The following ZFYVE16 variants were observed in gnomAD, a reference collection of about 807,000 sequenced individuals.
ZFYVE16 encodes the protein zinc finger FYVE domain-containing protein 16.
Under a neutral mutation model 138.1 loss-of-function variants are expected in ZFYVE16, and 89 were observed. That is an observed-to-expected ratio of 0.64 (90% CI 0.54 to 0.77). The LOEUF is 0.77. ZFYVE16 is among the 30% of genes least tolerant of loss of function. The pLI is 0.00. For missense variants in ZFYVE16, 1,793 were observed against 1,786.7 expected, an observed-to-expected ratio of 1.00 and a Z score of -0.06; for synonymous variants, 596 against 618.3, an observed-to-expected ratio of 0.96 and a Z score of 0.53.
At position 80,450,431 on chromosome 5, in the gene ZFYVE16, A is replaced by T. The variant is rs1751862631; in HGVS notation, c.3227A>T (p.Tyr1076Phe). Residue 1076 changes from tyrosine (Y) to phenylalanine (F), a missense_variant and splice_region_variant, in exon 10 of 19, where the codon TAT (tyrosine) becomes TTT (phenylalanine). Coordinates refer to ENST00000505560, the MANE Select transcript of ZFYVE16 (RefSeq NM_001284236.3). Reference protein sequence around the residue: ...NLLVNVKFIFYSSDKYWYFST... With the variant: ...NLLVNVKFIFFSSDKYWYFST... ...TAGTTATATTCTTTTATCATCTAAG[A>T]TTCCTCAGACAAATATTGGTACTTT... The T allele has an allele frequency of 6.2e-7, 1 of 1,612,740 alleles. No individual in the cohort carries two copies. The highest frequency in any genetic ancestry group is 1.3e-5 in the African/African-American group (1 of 75,014).
At position 80,480,531 on chromosome 5, in the gene ZFYVE16, G is replaced by C. The variant is rs962011206; in HGVS notation, c.*3154G>C. ...AAGAATAGGACAGAGCAAATACTTA[G>C]ATAGAATGCAGAATTTTAAAAACTG... is the stretch of plus-strand genomic sequence containing the variant. On this transcript the variant is annotated 3_prime_UTR_variant, in exon 19 of 19. Transcript: ENST00000505560. Among the ~76,000 whole-genome samples the C allele has an allele frequency of 8.5e-5, 13 of 152,130 alleles. No individual in the cohort carries two copies. The highest frequency in any genetic ancestry group is 3.1e-4 in the African/African-American group (13 of 41,422).
At chr5:80,411,899 C>G (rs1348938296) in intron 1 of ZFYVE16, 2 of 152,220 alleles carry the variant, frequency 1.3e-5, no homozygotes, top group Non-Finnish European at 2.9e-5. Context: ...TGGCACTAAT[C>G]CAGCTTTCTC....
At chr5:80,427,310 G>C (rs946489816) in intron 1 of ZFYVE16, among the ~76,000 whole-genome samples, 182 bp from the exon 2 acceptor site, 1 of 152,032 alleles carries the variant, frequency 6.6e-6, no homozygotes, top group African/African-American at 2.4e-5. Flanking sequence ...CCTCCAATGA[G>C]TGGTATGTTT....
At chr5:80,415,877 A>G (rs1746141900) in intron 1 of ZFYVE16, among the ~76,000 whole-genome samples, 1 of 152,054 alleles carries the variant, frequency 6.6e-6, no homozygotes, top group Admixed American at 6.6e-5. Context: ...CATGTTGATT[A>G]GGCTGGTCTC....
At chr5:80,432,849 C>G (rs1345311008) in intron 2 of ZFYVE16, among the ~76,000 whole-genome samples, 4 of 152,184 alleles carry the variant, frequency 2.6e-5, no homozygotes, top group African/African-American at 7.2e-5. Flanking sequence ...AAATGCTCAT[C>G]ATCACTGGCC....
At chr5:80,457,298 G>C (rs1431363721) in intron 14 of ZFYVE16, among the ~76,000 whole-genome samples, 4 of 152,182 alleles carry the variant, frequency 2.6e-5, no homozygotes, top group African/African-American at 7.2e-5. Flanking sequence ...TACAGACTTG[G>C]AAGACTGTTT....
chr5:80,423,295 C>A (rs776711909), intron 1 of ZFYVE16, among the ~76,000 whole-genome samples: 2 of 152,004 alleles, frequency 1.3e-5, no homozygotes, highest in African/African-American at 4.8e-5. Flanking sequence ...ATCTAAATTA[C>A]CAAATTTGTG....
intron 5 of ZFYVE16, among the ~76,000 whole-genome samples, chr5:80,442,705 G>T (rs1323079534): frequency 1.3e-5 from 2 of 152,162 alleles, no homozygotes; most frequent in South Asian, 2.1e-4. Context: ...GTGAGCCATT[G>T]TAACAACTTA....
intron 6 of ZFYVE16, among the ~76,000 whole-genome samples, chr5:80,444,745 CT>C: frequency 6.6e-6 from 1 of 151,414 alleles, no homozygotes; most frequent in Non-Finnish European, 1.5e-5. Context: ...TTTTAAATTT[CT>C]TTTTTTCTTT....
intron 1 of ZFYVE16, among the ~76,000 whole-genome samples, chr5:80,421,856 G>T (rs1472408327): frequency 1.3e-5 from 2 of 152,070 alleles, no homozygotes; most frequent in African/African-American, 2.4e-5. Flanking sequence ...GCTTGATGGG[G>T]ATGGCATTGA....
chr5:80,420,858 A>G (rs1372848755), intron 1 of ZFYVE16, among the ~76,000 whole-genome samples: 3 of 152,172 alleles, frequency 2.0e-5, no homozygotes, highest in Non-Finnish European at 4.4e-5. Context: ...CTAGATCCCT[A>G]AGGAATCGCC....
At position 80,478,063 on chromosome 5, in the gene ZFYVE16, C is replaced by G. The variant is rs1399578951; in HGVS notation, c.*686C>G. Reference sequence around the variant, plus strand: ...GCGGGTGCTTCAGGACTTTTTGCTTCTATATTTAAGTATATTGTTTTTATA... The same window carrying G: ...GCGGGTGCTTCAGGACTTTTTGCTTGTATATTTAAGTATATTGTTTTTATA... On this transcript the variant is annotated 3_prime_UTR_variant, in exon 19 of 19. Coordinates refer to ENST00000505560, the MANE Select transcript of ZFYVE16 (RefSeq NM_001284236.3). The G allele has an allele frequency of 6.6e-6, 1 of 151,908 alleles. No homozygotes were observed. The highest frequency in any genetic ancestry group is 1.5e-5 in the Non-Finnish European group (1 of 67,916). 9.4% of individuals were successfully genotyped at this position (151,908 alleles called of 1,614,324 possible).
chr5:80,421,219 G>T (rs910491329), intron 1 of ZFYVE16, among the ~76,000 whole-genome samples: 3 of 151,890 alleles, frequency 2.0e-5, no homozygotes, highest in Non-Finnish European at 1.5e-5. Flanking sequence ...TGAGTAGATT[G>T]CAAGAATTTT....
Position 80,482,822 on chromosome 5 carries a change from C to T in ZFYVE16, c.*5445C>T, listed in dbSNP as rs1755318992. 1 of 151,428 alleles carries T rather than the reference C, an allele frequency of 6.6e-6. No individual in the cohort carries two copies. The allele number at this position is 151,428 out of a possible 1,614,324, so 9.4% of individuals were successfully genotyped here. ...GAATCCTTTATCCAGCAAATATATTCTTTAGGAAAGAAAATGAAATAAAGA... is the reference window on the plus strand; with the variant it reads ...GAATCCTTTATCCAGCAAATATATTTTTTAGGAAAGAAAATGAAATAAAGA... On this transcript the variant is annotated 3_prime_UTR_variant, in exon 19 of 19. Transcript: ENST00000505560.
intron 11 of ZFYVE16, among the ~76,000 whole-genome samples, chr5:80,452,666 C>G (rs1752113276): frequency 1.3e-5 from 2 of 152,022 alleles, no homozygotes; most frequent in African/African-American, 4.8e-5. Context: ...GTTAGCAGTG[C>G]TATTGTTTTC....
At chr5:80,446,584 A>G (rs907346167) in intron 7 of ZFYVE16, among the ~76,000 whole-genome samples, 13 of 152,126 alleles carry the variant, frequency 8.5e-5, no homozygotes, top group African/African-American at 3.1e-4. Flanking sequence ...ATATGAAAAA[A>G]ATTCTAGGAC....
intron 5 of ZFYVE16, 62 bp from the exon 6 acceptor site, chr5:80,443,061 T>G: frequency 7.2e-7 from 1 of 1,396,592 alleles, no homozygotes; most frequent in East Asian, 2.7e-5. Flanking sequence ...TTATTGTAAT[T>G]TACTTTGAAG....
chr5:80,438,475 A>G lies in ZFYVE16; in HGVS notation c.1790A>G (p.Glu597Gly), dbSNP rs755991772. The G allele has an allele frequency of 1.2e-6, 2 of 1,613,542 alleles. No homozygotes were observed. Among genetic ancestry groups the G allele is most frequent in the Non-Finnish European group, 1.7e-6 (2 of 1,179,826 alleles). ...GESHGINIIC[E>G]IVDKQNTIEN... ...AGTCATGGTATTAATATAATTTGTG[A>G]AATAGTTGATAAACAAAATACAATA... Residue 597 changes from glutamate to glycine, a missense_variant, in exon 4 of 19, where the codon GAA becomes GGA. Physicochemically the swap from Glu to Gly is moderately conservative, Grantham distance 98 (BLOSUM62 -2). Coordinates refer to ENST00000505560, the MANE Select transcript of ZFYVE16 (RefSeq NM_001284236.3).
At chr5:80,465,771 G>C (rs1753685764) in intron 15 of ZFYVE16, among the ~76,000 whole-genome samples, 1 of 151,894 alleles carries the variant, frequency 6.6e-6, no homozygotes, top group Non-Finnish European at 1.5e-5. Flanking sequence ...TGTATGTGAT[G>C]ATTTGCTTTA....
Sources: gnomAD v4.1 joint callset for allele counts (sites outside exome capture counted in the v4.1 genomes callset) on GRCh38, gnomAD v4.1.1 for gene constraint, MANE v1.5 for transcripts, NCBI Gene and HGNC (gene_info 2026-07-23, HGNC 2026-07-21) for gene names.